Variants in LARGE1 observed in about 807,000 individuals in gnomAD.
LARGE1 encodes the protein xylosyl- and glucuronyltransferase LARGE1.
Under a neutral mutation model 87.6 loss-of-function variants are expected in LARGE1, and 43 were observed. That is an observed-to-expected ratio of 0.49 (90% CI 0.38 to 0.63). LARGE1 has a LOEUF of 0.63. Among genes scored for constraint, LARGE1 ranks in the 30% least tolerant of loss-of-function variants. The pLI, the probability that LARGE1 is intolerant of heterozygous loss-of-function variation, is 0.00. For synonymous variants in LARGE1, 434 were observed against 394.6 expected (o/e 1.10, Z -1.18); for missense variants, 802 against 1,000.2 (o/e 0.80, Z 2.67).
At chr22:33,518,009 C>A (rs546485197) in intron 6 of LARGE1, among the ~76,000 whole-genome samples, 1 of 152,314 alleles carries the variant, frequency 6.6e-6, no homozygotes, top group South Asian at 2.1e-4. Flanking sequence ...CCAACTCCTA[C>A]AGATTTTTCT....
intron 9 of LARGE1, among the ~76,000 whole-genome samples, chr22:33,370,805 A>C (rs919191147): frequency 2.7e-5 from 4 of 149,714 alleles, no homozygotes; most frequent in African/African-American, 7.3e-5. Flanking sequence ...CAAATCATTA[A>C]ATACCATCAA....
intron 13 of LARGE1, among the ~76,000 whole-genome samples, chr22:33,281,762 C>T (rs1231015882): frequency 6.6e-6 from 1 of 152,136 alleles, no homozygotes; most frequent in East Asian, 1.9e-4. Flanking sequence ...AGTCTTGGCT[C>T]TACTGGGACC....
chr22:33,402,920 G>A (rs907114294), intron 7 of LARGE1, among the ~76,000 whole-genome samples: 2 of 152,092 alleles, frequency 1.3e-5, no homozygotes, highest in African/African-American at 4.8e-5. Context: ...CAGAAAGATC[G>A]AGTAAGCAAT....
At chr22:33,290,350 C>T (rs1932313749) in intron 12 of LARGE1, among the ~76,000 whole-genome samples, 2 of 152,184 alleles carry the variant, frequency 1.3e-5, no homozygotes, top group Non-Finnish European at 2.9e-5. Flanking sequence ...CAGTGGTTCA[C>T]ATTCTAGAGG....
intron 6 of LARGE1, among the ~76,000 whole-genome samples, chr22:33,517,355 C>T (rs1343892479): frequency 6.6e-6 from 1 of 152,162 alleles, no homozygotes; most frequent in Non-Finnish European, 1.5e-5. Flanking sequence ...ATAAAAAGGG[C>T]TGAACTCGGT....
At position 33,178,301 on chromosome 22, in the gene LARGE1, A is replaced by G. The variant is rs148619873; in HGVS notation, c.1731-11469T>C. On this transcript the variant is annotated intron_variant, in intron 11 of 11. Transcript: ENST00000608642. ...GGCCCCTTGCAGCCCCTTGCCTTAA[A>G]GGAAGCCCTGCACAACCATTAAGGC... Among the ~76,000 whole-genome samples, 1,209 of 152,300 alleles carry G rather than the reference A, an allele frequency of 7.9e-3. 5 individuals are homozygous for G. The highest frequency in any genetic ancestry group is 0.014 in the Middle Eastern group (4 of 294).
chr22:33,862,900 G>A (rs1601803644), intron 1 of LARGE1, among the ~76,000 whole-genome samples: 2 of 152,092 alleles, frequency 1.3e-5, no homozygotes, highest in South Asian at 4.2e-4. Flanking sequence ...ATCTATCAGA[G>A]GTAGCACGCA....
chr22:33,294,106 C>G (rs1398488697), intron 12 of LARGE1, among the ~76,000 whole-genome samples: 2 of 152,236 alleles, frequency 1.3e-5, no homozygotes, highest in African/African-American at 4.8e-5. Flanking sequence ...CCTCTTGTGG[C>G]CCCTACTCCT....
rs190510207 is a variant in LARGE1 at position 33,609,259 on chromosome 22, G to A, written c.492-4701C>T. ...ACAAACGTCAGAACATGGATGCGCC[G>A]CTGTGCTGGGCTGCCACCCACAACA... is the stretch of plus-strand genomic sequence containing the variant. On this transcript the variant is annotated intron_variant, in intron 4 of 14. Transcript: ENST00000397394. 1.8e-3 allele frequency among the ~76,000 whole-genome samples: 271 copies of A among 152,298 alleles called. 1 individual carries two copies. The highest frequency in any genetic ancestry group is 5.9e-3 in the African/African-American group (244 of 41,564).
At chr22:33,905,565 A>G (rs2065421333) in intron 1 of LARGE1, among the ~76,000 whole-genome samples, 1 of 152,212 alleles carries the variant, frequency 6.6e-6, no homozygotes, top group Non-Finnish European at 1.5e-5. Flanking sequence ...CATTTTAAAA[A>G]TCCAACAGCA....
rs1460841033 is a variant in LARGE1, at chr22:33,526,978, T to G, written c.787+37870A>C. ...GTTGCTTAAAAATGGAAATTCCGGC[T>G]GGGTGCAGTGGCACACGCCTGTAAT... On this transcript the variant is annotated intron_variant, in intron 6 of 14. Transcript: ENST00000397394. Among the ~76,000 whole-genome samples the G allele has an allele frequency of 3.9e-5, 6 of 152,190 alleles. No individual in the cohort carries two copies. The East Asian group carries it at 1.2e-3, about 29-fold the overall frequency.
In LARGE1 at chr22:33,273,450, G is replaced by A. The variant is rs1279459198; in HGVS notation, c.*977C>T. The A allele has an allele frequency of 1.0e-5, 4 of 398,516 alleles. No individual in the cohort carries two copies. The highest frequency in any genetic ancestry group is 1.8e-5 in the Non-Finnish European group (4 of 226,074). 24.7% of individuals were successfully genotyped at this position (398,516 alleles called of 1,614,324 possible). A position where few individuals can be genotyped will look rare whatever the true frequency, so the allele number is the denominator to read the frequency against. On this transcript the variant is annotated 3_prime_UTR_variant, in exon 15 of 15. Coordinates refer to ENST00000397394, the MANE Select transcript of LARGE1 (RefSeq NM_133642.5). ...ATTATGAAAGTTCTTCGAAAGGCCTGAGAGGTTCGTACCTTGTGTGTGCAC... is the reference window on the plus strand; with the variant it reads ...ATTATGAAAGTTCTTCGAAAGGCCTAAGAGGTTCGTACCTTGTGTGTGCAC...
chr22:33,210,067 G>A (rs1163175069), intron 11 of LARGE1, among the ~76,000 whole-genome samples: 1 of 152,218 alleles, frequency 6.6e-6, no homozygotes, highest in Non-Finnish European at 1.5e-5. Flanking sequence ...GTGGGACCCA[G>A]GCATCAGTTT....
At chr22:33,832,710 A>G (rs915967112) in intron 1 of LARGE1, among the ~76,000 whole-genome samples, 3 of 152,154 alleles carry the variant, frequency 2.0e-5, no homozygotes, top group Non-Finnish European at 4.4e-5. Context: ...CAGCAAAAAG[A>G]TATCTTCCCT....
chr22:33,072,616 C>A, the LARGE1 span, among the ~76,000 whole-genome samples: 1 of 152,126 alleles, frequency 6.6e-6, no homozygotes, highest in Non-Finnish European at 1.5e-5. Context: ...GGTAAAGTAC[C>A]AGAATGTATA....
chr22:33,772,640 C>T (rs1005903364), intron 1 of LARGE1, among the ~76,000 whole-genome samples: 2 of 152,038 alleles, frequency 1.3e-5, no homozygotes. Context: ...CCTCAGTAGC[C>T]CCCTCCCCAA....
chr22:33,376,209 C>T (rs536684307), intron 9 of LARGE1, among the ~76,000 whole-genome samples: 94 of 152,174 alleles, frequency 6.2e-4, no homozygotes, highest in Middle Eastern at 3.4e-3. Context: ...AATGCGGACA[C>T]GAGTTATATT....
chr22:33,623,702 AT>A (rs1163947452), intron 4 of LARGE1, among the ~76,000 whole-genome samples: 7 of 101,214 alleles, frequency 6.9e-5, no homozygotes, highest in Non-Finnish European at 1.1e-4. Context: ...AAGTTAACTG[AT>A]TTAAAAAAAA....
At chr22:33,675,033 C>T (rs2081526702) in intron 2 of LARGE1, among the ~76,000 whole-genome samples, 1 of 151,874 alleles carries the variant, frequency 6.6e-6, no homozygotes, top group Admixed American at 6.6e-5. Context: ...TGACTCATGC[C>T]TGTAGTCCCA....
Sources: allele counts gnomAD v4.1 joint callset (sites outside exome capture counted in the v4.1 genomes callset), GRCh38; gene constraint gnomAD v4.1.1; transcripts MANE v1.5; gene names NCBI Gene and HGNC (gene_info 2026-07-23, HGNC 2026-07-21).